Variants in PKD1L3 observed in about 807,000 individuals in gnomAD.
The protein encoded by PKD1L3 is polycystin-1-like protein 3.
PKD1L3 carries 239 observed loss-of-function variants against 184.1 expected under a neutral mutation model. That is an observed-to-expected ratio of 1.30 (90% CI 1.17 to 1.45). The LOEUF (loss-of-function observed/expected upper bound fraction) is 1.45, where lower values mean the gene tolerates loss of function less well. PKD1L3 is among the 40% of genes most tolerant of loss of function. The probability of loss-of-function intolerance (pLI) is 0.00; values close to 1 mark genes in which losing one functional copy is unlikely to be tolerated. For missense variants in PKD1L3, 2,660 were observed against 2,067.2 expected (o/e 1.29, Z -5.56); for synonymous variants, 996 against 778.8 (o/e 1.28, Z -4.64).
At chr16:71,968,891 C>T (rs1180715570) in intron 13 of PKD1L3, among the ~76,000 whole-genome samples, 1 of 151,370 alleles carries the variant, frequency 6.6e-6, no homozygotes, top group Non-Finnish European at 1.5e-5. Context: ...CCACTTCACC[C>T]AGCCAGTTAC....
chr16:71,987,067 G>A (rs761534115), intron 4 of PKD1L3, among the ~76,000 whole-genome samples: 4 of 151,436 alleles, frequency 2.6e-5, no homozygotes, highest in African/African-American at 9.7e-5. Context: ...TGGGATTACA[G>A]GCGTGCACCA....
At chr16:71,968,370 C>G (rs1597337302) in intron 13 of PKD1L3, among the ~76,000 whole-genome samples, 1 of 152,148 alleles carries the variant, frequency 6.6e-6, no homozygotes, top group Admixed American at 6.5e-5. Flanking sequence ...CACACTTACA[C>G]TAACGATGCA....
intron 18 of PKD1L3, among the ~76,000 whole-genome samples, chr16:71,952,274 G>A (rs1047892636): frequency 1.4e-5 from 2 of 138,404 alleles, no homozygotes; most frequent in East Asian, 2.3e-4. Context: ...GTGCAGGGGC[G>A]CAATCTTGGC....
intron 2 of PKD1L3, among the ~76,000 whole-genome samples, chr16:71,995,809 A>T (rs999158851): frequency 6.6e-6 from 1 of 152,188 alleles, no homozygotes; most frequent in Non-Finnish European, 1.5e-5. Context: ...ATATTGCTGA[A>T]TTCCCCTTTA....
At position 71,929,597 on chromosome 16, in the gene PKD1L3, C is replaced by G. The variant is rs1407194906; in HGVS notation, c.5140G>C (p.Glu1714Gln). 7.1e-6 allele frequency: 11 copies of G among 1,551,820 alleles called. No homozygotes were observed. The highest frequency in any genetic ancestry group is 9.6e-6 in the Non-Finnish European group (11 of 1,147,020). Residue 1714 changes from glutamate (E) to glutamine (Q), a missense_variant, in exon 30 of 30, where the codon GAG becomes CAG. Physicochemically the swap from Glu to Gln is conservative, Grantham distance 29. Transcript: ENST00000620267. ...GISWPQKTSS[E>Q]QAATTAVGSD... ...CCCACTGCTGTCGTGGCTGCTTGCT[C>G]AGATGAGGTTTTTTGGGGCCAACTG...
chr16:71,987,898 A>C (rs1381432911), intron 4 of PKD1L3, among the ~76,000 whole-genome samples: 1 of 152,164 alleles, frequency 6.6e-6, no homozygotes, highest in East Asian at 1.9e-4. Context: ...CCCCAAGCCC[A>C]CAGCCAGCTA....
chr16:71,956,538 T>C (rs2039056790), intron 16 of PKD1L3, among the ~76,000 whole-genome samples: 2 of 152,222 alleles, frequency 1.3e-5, no homozygotes, highest in East Asian at 1.9e-4. Flanking sequence ...TGAATGAACC[T>C]TGAGGACATT....
At chr16:71,937,957 G>C (rs1191009672) in intron 24 of PKD1L3, among the ~76,000 whole-genome samples, 1 of 152,210 alleles carries the variant, frequency 6.6e-6, no homozygotes. Flanking sequence ...CTGCTGCCAT[G>C]ACATCGGCTG....
chr16:71,993,103 C>T (rs576050968), intron 3 of PKD1L3, 113 bp downstream of exon 3: 75 of 725,564 alleles, frequency 1.0e-4, no homozygotes, highest in Non-Finnish European at 1.5e-4. Context: ...TAGAATGCAA[C>T]GAATATTGGG....
At chr16:71,975,410 T>C (rs2039881840) in intron 11 of PKD1L3, among the ~76,000 whole-genome samples, 1 of 152,084 alleles carries the variant, frequency 6.6e-6, no homozygotes, top group Non-Finnish European at 1.5e-5. Context: ...TTTTCTAAAC[T>C]ACAATACATT....
At chr16:71,940,485 G>C (rs1303427889) in intron 24 of PKD1L3, among the ~76,000 whole-genome samples, 1 of 151,984 alleles carries the variant, frequency 6.6e-6, no homozygotes, top group Non-Finnish European at 1.5e-5. Flanking sequence ...CATGGGCACA[G>C]AGCTTTGTTT....
intron 9 of PKD1L3, among the ~76,000 whole-genome samples, chr16:71,978,750 C>T (rs1029086679): frequency 8.6e-5 from 13 of 151,466 alleles, no homozygotes; most frequent in Non-Finnish European, 1.6e-4. Context: ...ATGTTGGCCA[C>T]GCTGGTCTCG....
At chr16:71,932,377 AG>A (rs1307341940) in intron 28 of PKD1L3, among the ~76,000 whole-genome samples, 1 of 152,214 alleles carries the variant, frequency 6.6e-6, no homozygotes, top group Non-Finnish European at 1.5e-5. Flanking sequence ...AGTTCCTGGG[AG>A]GAAATAATAG....
At chr16:71,933,601 C>T in intron 27 of PKD1L3, 80 bp from the exon 28 acceptor site, 1 of 1,050,170 alleles carries the variant, frequency 9.5e-7, no homozygotes, top group South Asian at 1.4e-5. Context: ...ATGTGGCCAA[C>T]ATAGAAGCAA....
At chr16:71,939,328 T>G (rs952533169) in intron 24 of PKD1L3, among the ~76,000 whole-genome samples, 1 of 152,142 alleles carries the variant, frequency 6.6e-6, no homozygotes, top group African/African-American at 2.4e-5. Context: ...TCCAGGCCAG[T>G]AGCAGGAGCT....
rs1207361211 is a variant in PKD1L3 at position 71,949,790 on chromosome 16, G to A, written c.3611C>T (p.Pro1204Leu). 4 of 1,549,728 alleles carry A rather than the reference G, an allele frequency of 2.6e-6. No homozygotes were observed. The East Asian group carries it at 7.3e-5, about 28-fold the overall frequency. Residue 1204 changes from proline (P) to leucine (L), a missense_variant, in exon 21 of 30, where the codon CCA becomes CTA. Coordinates refer to ENST00000620267, the MANE Select transcript of PKD1L3 (RefSeq NM_181536.2). ...SVLQNIFISQPVKVVFFTFLY... is the reference protein window; with the variant it reads ...SVLQNIFISQLVKVVFFTFLY... ...TTCCCATCCCTCACATACCTTTACT[G>A]GCTGGCTGATGAAGATGTTCTGAAG...
intron 7 of PKD1L3, among the ~76,000 whole-genome samples, chr16:71,980,892 G>C (rs2040124597): frequency 6.6e-6 from 1 of 152,096 alleles, no homozygotes; most frequent in Non-Finnish European, 1.5e-5. Flanking sequence ...CTCATCCCTA[G>C]TCCCTCTAGC....
At chr16:71,996,951 A>AT (rs35603184) in intron 2 of PKD1L3, among the ~76,000 whole-genome samples, 257 of 129,590 alleles carry the variant, frequency 2.0e-3, no homozygotes, top group South Asian at 3.3e-3. Context: ...AATTGCTTTG[A>AT]TTTTTTTTTT....
intron 14 of PKD1L3, 63 bp from the exon 15 acceptor site, chr16:71,967,378 C>A: frequency 6.9e-7 from 1 of 1,446,276 alleles, no homozygotes; most frequent in South Asian, 1.4e-5. Context: ...GGGTTTATCC[C>A]TAAGGAGAAA....
Sources: gnomAD v4.1 joint callset for allele counts (sites outside exome capture counted in the v4.1 genomes callset) on GRCh38, gnomAD v4.1.1 for gene constraint, MANE v1.5 for transcripts, NCBI Gene and HGNC (gene_info 2026-07-23, HGNC 2026-07-21) for gene names.